Variants in CSGALNACT1 observed in about 807,000 individuals in gnomAD.
CSGALNACT1 encodes the protein chondroitin sulfate N-acetylgalactosaminyltransferase 1, also known as beta4GalNAcT-1.
Under a neutral mutation model 51.0 loss-of-function variants are expected in CSGALNACT1, and 52 were observed. That is an observed-to-expected ratio of 1.02 (90% CI 0.82 to 1.29). The LOEUF (loss-of-function observed/expected upper bound fraction) is 1.29, where lower values mean the gene tolerates loss of function less well. Among genes scored for constraint, CSGALNACT1 ranks in the 50% most tolerant of loss-of-function variants. CSGALNACT1 has a pLI of 0.00. For missense variants in CSGALNACT1, 935 were observed against 679.2 expected, an observed-to-expected ratio of 1.38 and a Z score of -4.19; for synonymous variants, 341 against 254.4, an observed-to-expected ratio of 1.34 and a Z score of -3.24.
Position 19,586,909 on chromosome 8 carries a change from G to A in CSGALNACT1, c.-297+4251C>T, listed in dbSNP as rs1366848933. ...TATTTTCCCAAACTTATTTGATCAC[G>A]AAATTCTTCTTTGAAAAATATCTCA... On this transcript the variant is annotated intron_variant, in intron 3 of 9. Coordinates refer to ENST00000454498, the Ensembl canonical transcript of CSGALNACT1. Among the ~76,000 whole-genome samples, 5 of 152,258 alleles carry A rather than the reference G, an allele frequency of 3.3e-5. No individual in the cohort carries two copies. In the East Asian group the frequency reaches 7.7e-4, roughly 23 times the overall value.
At chr8:19,524,104 G>A (rs979655794) in intron 3 of CSGALNACT1, among the ~76,000 whole-genome samples, 19 of 152,120 alleles carry the variant, frequency 1.2e-4, no homozygotes, top group African/African-American at 4.3e-4. Context: ...GACAAGCCTG[G>A]GCAACACAGC....
intron 3 of CSGALNACT1, among the ~76,000 whole-genome samples, chr8:19,575,388 C>T (rs2043965022): frequency 6.6e-6 from 1 of 152,128 alleles, no homozygotes; most frequent in African/African-American, 2.4e-5. Flanking sequence ...AGTATTCTTG[C>T]CTAAAAATAA....
chr8:19,675,419 TC>T (rs1187705220), intron 1 of CSGALNACT1, among the ~76,000 whole-genome samples: 1 of 152,130 alleles, frequency 6.6e-6, no homozygotes, highest in Non-Finnish European at 1.5e-5. Flanking sequence ...GAAAAGGGAT[TC>T]TTATGAATCA....
intron 3 of CSGALNACT1, among the ~76,000 whole-genome samples, chr8:19,559,656 A>G (rs1162914615): frequency 6.6e-6 from 1 of 152,188 alleles, no homozygotes; most frequent in Non-Finnish European, 1.5e-5. Context: ...CTATGTATAT[A>G]AAAGCAAACC....
At chr8:19,747,461 A>T (rs184215354) in intron 1 of CSGALNACT1, among the ~76,000 whole-genome samples, 13 of 152,316 alleles carry the variant, frequency 8.5e-5, no homozygotes, top group Admixed American at 7.2e-4. Context: ...TCCTTTTTAT[A>T]CCCAGATATA....
intron 1 of CSGALNACT1, among the ~76,000 whole-genome samples, chr8:19,607,984 AACT>A (rs763364138): frequency 2.3e-5 from 3 of 130,368 alleles, no homozygotes; most frequent in Non-Finnish European, 3.5e-5. Context: ...TTAAAAAGAG[AACT>A]ACTATAATGC....
chr8:19,638,542 G>A (rs936450843), intron 1 of CSGALNACT1, among the ~76,000 whole-genome samples: 1 of 152,078 alleles, frequency 6.6e-6, no homozygotes, highest in South Asian at 2.1e-4. Flanking sequence ...ATCAGAAAGG[G>A]AACAAGTGAA....
At chr8:19,724,971 C>A (rs112169231) in intron 1 of CSGALNACT1, among the ~76,000 whole-genome samples, 4 of 152,324 alleles carry the variant, frequency 2.6e-5, no homozygotes, top group African/African-American at 9.6e-5. Flanking sequence ...TCTCTGAGAG[C>A]CCTGCTGCCC....
intron 1 of CSGALNACT1, among the ~76,000 whole-genome samples, chr8:19,666,753 AAAGAAAG>A (rs1257552280): frequency 5.4e-5 from 7 of 130,614 alleles, no homozygotes; most frequent in Non-Finnish European, 6.3e-5. Flanking sequence ...AAGAAACAAG[AAAGAAAG>A]AAGAAAGAAA....
At chr8:19,516,083 G>C (rs1409603293) in intron 3 of CSGALNACT1, among the ~76,000 whole-genome samples, 1 of 152,100 alleles carries the variant, frequency 6.6e-6, no homozygotes, top group Non-Finnish European at 1.5e-5. Context: ...CCCAAACTGA[G>C]AACCGCATGA....
chr8:19,709,248 T>G (rs1238959073), intron 1 of CSGALNACT1, among the ~76,000 whole-genome samples: 1 of 152,176 alleles, frequency 6.6e-6, no homozygotes. Context: ...AAGCCTATGC[T>G]CAGTATCCCT....
At chr8:19,719,651 C>A (rs1221679341) in intron 1 of CSGALNACT1, among the ~76,000 whole-genome samples, 1 of 152,120 alleles carries the variant, frequency 6.6e-6, no homozygotes, top group African/African-American at 2.4e-5. Context: ...CTTGATCTTC[C>A]CCTCTTGGTA....
chr8:19,477,811 A>G (rs74694199), intron 4 of CSGALNACT1, among the ~76,000 whole-genome samples: 9,837 of 152,310 alleles, frequency 0.065, 327 homozygotes, highest in Middle Eastern at 0.1. Flanking sequence ...ACTTAGAACA[A>G]TACACAAAAC....
intron 4 of CSGALNACT1, among the ~76,000 whole-genome samples, chr8:19,489,152 A>T (rs1265631585): frequency 1.3e-5 from 2 of 152,128 alleles, no homozygotes; most frequent in African/African-American, 4.8e-5. Context: ...TCCCTAGAAG[A>T]GAGAGAAGAT....
intron 1 of CSGALNACT1, among the ~76,000 whole-genome samples, chr8:19,630,219 T>C (rs866743627): frequency 7.3e-5 from 11 of 150,118 alleles, no homozygotes; most frequent in Middle Eastern, 3.4e-3. Context: ...TGTGTGTGTG[T>C]GTGTGTGTGT....
chr8:19,635,626 C>T (rs749082447), intron 1 of CSGALNACT1, among the ~76,000 whole-genome samples: 22 of 152,082 alleles, frequency 1.4e-4, no homozygotes, highest in Non-Finnish European at 2.4e-4. Context: ...TCCACTTTTT[C>T]GGCATATTGA....
At chr8:19,646,367 T>C (rs1193245373) in intron 1 of CSGALNACT1, among the ~76,000 whole-genome samples, 1 of 152,192 alleles carries the variant, frequency 6.6e-6, no homozygotes, top group African/African-American at 2.4e-5. Context: ...TAAAGGGCAA[T>C]TCTGACAACT....
At chr8:19,466,938 T>G (rs12541476) in intron 4 of CSGALNACT1, among the ~76,000 whole-genome samples, 4,743 of 152,274 alleles carry the variant, frequency 0.031, 277 homozygotes, top group African/African-American at 0.11. Context: ...GTAGACTTGC[T>G]GAAGAAATTC....
intron 4 of CSGALNACT1, among the ~76,000 whole-genome samples, chr8:19,463,625 T>C (rs1215055851): frequency 6.6e-6 from 1 of 152,196 alleles, no homozygotes. Flanking sequence ...ACATCTTCCT[T>C]GTCATCTTGT....
Sources: gnomAD v4.1 joint callset for allele counts (sites outside exome capture counted in the v4.1 genomes callset) on GRCh38, gnomAD v4.1.1 for gene constraint, MANE v1.5 for transcripts, NCBI Gene and HGNC (gene_info 2026-07-23, HGNC 2026-07-21) for gene names.